The following SH2B1 variants were observed in gnomAD, a reference collection of about 807,000 sequenced individuals.
The protein encoded by SH2B1 is SH2B adaptor protein 1, also known as SH2B adapter protein 1.
SH2B1 carries 15 observed loss-of-function variants against 62.6 expected under a neutral mutation model. The observed-to-expected ratio is 0.24, with a 90% CI of 0.16 to 0.37. SH2B1 has a LOEUF of 0.37. SH2B1 is among the 10% of genes least tolerant of loss of function. The pLI is 1.00. For synonymous variants in SH2B1, 443 were observed against 438.0 expected, an observed-to-expected ratio of 1.01 and a Z score of -0.14; for missense variants, 925 against 1,015.6, an observed-to-expected ratio of 0.91 and a Z score of 1.21.
chr16:28,846,961 C>T (rs1360164762), intron 1 of SH2B1: 2 of 152,696 alleles, frequency 1.3e-5, no homozygotes, highest in Non-Finnish European at 2.9e-5. Context: ...GACATCTAGC[C>T]CTGAGAGGAG....
rs534972889 is a variant in SH2B1, at chr16:28,866,461, T to C, written c.367T>C (p.Ser123Pro). The change falls in exon 1 of 8, where the codon TCT becomes CCT. Residue 123 changes from serine to proline, a missense_variant. By Grantham distance (74) the Ser-to-Pro change is moderately conservative. Transcript: ENST00000684370. This position sits in a 1 kb window ranked among gnomAD's most constrained non-coding sequence, Gnocchi z 6.3. ...VGGPLAVLGP[S>P]RSSEDLAGPL... ...TGGGCCCCTGGCTGTGCTGGGCCCT[T>C]CTCGATCATCTGAGGACCTGGCCGG... The C allele has an allele frequency of 1.2e-6, 2 of 1,613,924 alleles. No individual in the cohort carries two copies. Among genetic ancestry groups the C allele is most frequent in the Non-Finnish European group, 1.7e-6 (2 of 1,179,982 alleles).
At chr16:28,849,249 C>G (rs966497317) in intron 1 of SH2B1, among the ~76,000 whole-genome samples, 1 of 152,170 alleles carries the variant, frequency 6.6e-6, no homozygotes, top group Non-Finnish European at 1.5e-5. Context: ...GCATACACCA[C>G]CACACCTGGC....
rs975994023 is a variant in SH2B1, at chr16:28,865,206, C to G, written c.-889C>G. The G allele has an allele frequency of 3.2e-5, 32 of 985,502 alleles. No homozygotes were observed. The African/African-American group carries it at 5.1e-4, about 16-fold the overall frequency. The allele number at this position is 985,502 out of a possible 1,614,324, so 61.0% of individuals were successfully genotyped here. ...AGCAAAGACTTGACCTGAGCCAACCCAGTTTCTCCTCTGGGGCCCCTGCGG... is the reference window on the plus strand; with the variant it reads ...AGCAAAGACTTGACCTGAGCCAACCGAGTTTCTCCTCTGGGGCCCCTGCGG... On this transcript the variant is annotated 5_prime_UTR_variant, in exon 1 of 8. Coordinates refer to ENST00000684370, the MANE Select transcript of SH2B1 (RefSeq NM_001387430.1).
Position 28,873,306 on chromosome 16 carries a change from C to T in SH2B1, c.1898-141C>T. The T allele has an allele frequency of 6.3e-7, 1 of 1,595,912 alleles. No individual in the cohort carries two copies. The highest frequency in any genetic ancestry group is 8.5e-7 in the Non-Finnish European group (1 of 1,169,822). ...CCTCCTCTCACCACCGCCCATGATC[C>T]ATCTTCCATGGATGGGGGGTTGCTC... On this transcript the variant is annotated intron_variant, in intron 7 of 7. Transcript: ENST00000684370. The surrounding 1 kb of genome is among the most constrained non-coding windows in gnomAD (Gnocchi z 4.2).
chr16:28,873,549 C>T lies in SH2B1; in HGVS notation c.2000C>T (p.Ala667Val), dbSNP rs774819489. The stretch of plus-strand genomic sequence containing the variant: ...GAGGCGTCGAGGGCGCCAGAAGTGG[C>T]GGCAGCAGCAGCCGCAGCAGCCAAA... ...AEEASRAPEVAAAAAAAAKER... is the reference protein window; with the variant it reads ...AEEASRAPEVVAAAAAAAKER... Residue 667 changes from alanine to valine, a missense_variant, in exon 8 of 8, where the codon GCG becomes GTG. By Grantham distance (64) the Ala-to-Val change is moderately conservative. This residue lies in a region of SH2B1 where 185 missense variants were observed against 189.5 expected (regional missense o/e 0.98). Transcript: ENST00000684370. The surrounding 1 kb of genome is among the most constrained non-coding windows in gnomAD (Gnocchi z 4.2). 160 of 1,602,358 alleles carry T rather than the reference C, an allele frequency of 1.0e-4. 1 individual carries two copies. Among genetic ancestry groups the T allele is most frequent in the Middle Eastern group, 6.6e-4 (4 of 6,038 alleles).
In SH2B1 at chr16:28,872,101, C is replaced by T. The variant is rs886097577; in HGVS notation, c.1514-89C>T. 7.5e-5 allele frequency: 105 copies of T among 1,399,506 alleles called. 1 individual carries two copies. Among genetic ancestry groups the T allele is most frequent in the Non-Finnish European group, 9.0e-5 (90 of 997,498 alleles). 86.7% of individuals were successfully genotyped at this position (1,399,506 alleles called of 1,614,324 possible). A position where few individuals can be genotyped will look rare whatever the true frequency, so the allele number is the denominator to read the frequency against. On this transcript the variant is annotated intron_variant, in intron 5 of 7. Transcript: ENST00000684370. The surrounding 1 kb of genome is among the most constrained non-coding windows in gnomAD (Gnocchi z 5.3). ...GTTGGGGACGCATGTGGGGAGCAGG[C>T]GCCTTGAGGGGAAGGCAAGGCTTTT...
At chr16:28,850,598 G>A (rs1050785344) in intron 1 of SH2B1, among the ~76,000 whole-genome samples, 3 of 151,972 alleles carry the variant, frequency 2.0e-5, no homozygotes, top group South Asian at 4.2e-4. Context: ...GGTGGCTCAC[G>A]CCTGTAATCC....
chr16:28,870,073 G>C (rs1469136093), intron 4 of SH2B1, among the ~76,000 whole-genome samples: 1 of 152,212 alleles, frequency 6.6e-6, no homozygotes, highest in Non-Finnish European at 1.5e-5. Flanking sequence ...CAGGGGCTGC[G>C]CCACCCTGTT....
At position 28,869,245 on chromosome 16, in the gene SH2B1, C is replaced by T. The variant is rs771189902; in HGVS notation, c.1171C>T (p.Pro391Ser). 3 of 1,614,060 alleles carry T rather than the reference C, an allele frequency of 1.9e-6. No homozygotes were observed. The highest frequency in any genetic ancestry group is 4.5e-5 in the East Asian group (2 of 44,890). ...TACCAGTCCCCGCCCCATGACCCTCCCTCTGGCCCCTGGGACCTCATTCCT... is the reference window on the plus strand; with the variant it reads ...TACCAGTCCCCGCCCCATGACCCTCTCTCTGGCCCCTGGGACCTCATTCCT... ...PATSPRPMTL[P>S]LAPGTSFLTR... The change falls in exon 4 of 8, where the codon CCT becomes TCT. Residue 391 changes from proline to serine, a missense_variant. Pro to Ser is a moderately conservative substitution (Grantham distance 74, BLOSUM62 -1). Transcript: ENST00000684370.
chr16:28,853,050 A>T (rs1168140718), intron 1 of SH2B1, among the ~76,000 whole-genome samples: 1 of 107,952 alleles, frequency 9.3e-6, no homozygotes, highest in Middle Eastern at 5.2e-3. Context: ...ATATATTTAT[A>T]TATGTACATA....
rs1567458230 is a variant in SH2B1, at chr16:28,852,319, TATATATATTTAC to T, written c.-301+5516_-301+5527del. ...ATATATTTACATATATATATTTACA[TATATATATTTAC>T]ATATATATTTACATATATATTTATA... On this transcript the variant is annotated intron_variant, in intron 1 of 10. Transcript: ENST00000322610. Among the ~76,000 whole-genome samples, 192 of 69,972 alleles carry T rather than the reference TATATATATTTAC, an allele frequency of 2.7e-3. 23 individuals are homozygous for T. Among genetic ancestry groups the T allele is most frequent in the Admixed American group, 4.9e-3 (21 of 4,318 alleles). 45.9% of individuals were successfully genotyped at this position (69,972 alleles called of 152,430 possible). A position where few individuals can be genotyped will look rare whatever the true frequency, so the allele number is the denominator to read the frequency against.
Position 28,865,579 on chromosome 16 carries a change from G to T in SH2B1, c.-516G>T. 1 of 985,770 alleles carries T rather than the reference G, an allele frequency of 1.0e-6. No homozygotes were observed. The highest frequency in any genetic ancestry group is 1.2e-6 in the Non-Finnish European group (1 of 830,124). 61.1% of individuals were successfully genotyped at this position (985,770 alleles called of 1,614,324 possible). ...GAGTTCTGAAACTTTTCTGAGCTTCGGTTTCCTCATCTGTTCGAGAGGTCT... is the reference window on the plus strand; with the variant it reads ...GAGTTCTGAAACTTTTCTGAGCTTCTGTTTCCTCATCTGTTCGAGAGGTCT... On this transcript the variant is annotated 5_prime_UTR_variant, in exon 1 of 8. Coordinates refer to ENST00000684370, the MANE Select transcript of SH2B1 (RefSeq NM_001387430.1).
chr16:28,866,467 T>C lies in SH2B1; in HGVS notation c.373T>C (p.Ser125Pro). 6.2e-7 allele frequency: 1 copy of C among 1,613,856 alleles called. No individual in the cohort carries two copies. The highest frequency in any genetic ancestry group is 8.5e-7 in the Non-Finnish European group (1 of 1,179,966). Residue 125 changes from serine (S) to proline (P), a missense_variant, in exon 1 of 8, where the codon TCA (serine) becomes CCA (proline). Ser to Pro is a moderately conservative substitution (Grantham distance 74). Transcript: ENST00000684370. This position sits in a 1 kb window ranked among gnomAD's most constrained non-coding sequence, Gnocchi z 6.3. ...CCTGGCTGTGCTGGGCCCTTCTCGA[T>C]CATCTGAGGACCTGGCCGGCCCCCT... ...GPLAVLGPSRSSEDLAGPLPS... is the reference protein window; with the variant it reads ...GPLAVLGPSRPSEDLAGPLPS...
In SH2B1 at chr16:28,852,558, T is replaced by TATGTATATATATACACATATATATG. The variant is rs1567458808; in HGVS notation, c.-301+5731_-301+5732insATGTATATATATACACATATATATG. Among the ~76,000 whole-genome samples the TATGTATATATATACACATATATATG allele has an allele frequency of 2.9e-4, 5 of 17,262 alleles. 1 individual carries two copies. Among genetic ancestry groups the TATGTATATATATACACATATATATG allele is most frequent in the Non-Finnish European group, 3.1e-4 (4 of 13,058 alleles). The allele number at this position is 17,262 out of a possible 152,430, so 11.3% of individuals were successfully genotyped here. A position where few individuals can be genotyped will look rare whatever the true frequency, so the allele number is the denominator to read the frequency against. ...CATATATTTATATATATACACATATTTATATATATACACATATATATTTAT... is the reference window on the plus strand; with the variant it reads ...CATATATTTATATATATACACATATTATGTATATATATACACATATATATGTATATATATACACATATATATTTAT... On this transcript the variant is annotated intron_variant, in intron 1 of 10. Coordinates refer to the SH2B1 transcript ENST00000322610.
At chr16:28,863,604 C>T, upstream of SH2B1, 34 of 1,394,582 alleles carry the variant, frequency 2.4e-5, no homozygotes, top group Non-Finnish European at 3.3e-5. Flanking sequence ...TCCCGAATTT[C>T]CTCCGGGAGG....
rs773476319 is a variant in SH2B1 at position 28,866,773 on chromosome 16, C to A, written c.679C>A (p.Arg227Ser). 1 of 1,580,086 alleles carries A rather than the reference C, an allele frequency of 6.3e-7. No individual in the cohort carries two copies. Among genetic ancestry groups the A allele is most frequent in the Non-Finnish European group, 8.6e-7 (1 of 1,164,022 alleles). ...GTSPGERWTH[R>S]FERLRLSRGG... ...GTCCCCTGGGGAAAGATGGACTCACCGTTTTGAGAGGCTGAGACTCAGTCG... is the reference window on the plus strand; with the variant it reads ...GTCCCCTGGGGAAAGATGGACTCACAGTTTTGAGAGGCTGAGACTCAGTCG... Residue 227 changes from arginine (R) to serine (S), a missense_variant, in exon 1 of 8, where the codon CGT becomes AGT. This residue lies in a region of SH2B1 where 683 missense variants were observed against 704.0 expected (regional missense o/e 0.97). Coordinates refer to ENST00000684370, the MANE Select transcript of SH2B1 (RefSeq NM_001387430.1). This position sits in a 1 kb window ranked among gnomAD's most constrained non-coding sequence, Gnocchi z 6.3.
chr16:28,855,422 T>C (rs1962297733), intron 1 of SH2B1, among the ~76,000 whole-genome samples: 1 of 151,854 alleles, frequency 6.6e-6, no homozygotes, highest in African/African-American at 2.4e-5. Flanking sequence ...GGTTTCACCA[T>C]GTTGGCCAGG....
chr16:28,866,998 G>T lies in SH2B1; in HGVS notation c.904G>T (p.Gly302Ter). The T allele has an allele frequency of 6.2e-7, 1 of 1,601,922 alleles. No homozygotes were observed. ...LLLRSEGEGG[G>*]GSRLEFFVPP... ...GCTTCGAAGTGAAGGAGAAGGAGGAGGAGGAAGTCGCCTGGAGTTCTTTGT... is the reference window on the plus strand; with the variant it reads ...GCTTCGAAGTGAAGGAGAAGGAGGATGAGGAAGTCGCCTGGAGTTCTTTGT... The change falls in exon 1 of 8, where the codon GGA (glycine) becomes TGA (stop). Residue 302 changes from glycine to a stop codon, truncating the protein, a stop_gained. Transcript: ENST00000684370. LOFTEE classifies it high-confidence loss of function. The surrounding 1 kb of genome is among the most constrained non-coding windows in gnomAD (Gnocchi z 6.3).
chr16:28,859,747 C>T (rs185404395), upstream of SH2B1, among the ~76,000 whole-genome samples: 5 of 151,904 alleles, frequency 3.3e-5, no homozygotes, highest in African/African-American at 1.2e-4. Context: ...AAAGAAAGTC[C>T]AGGGAAAAGC....
Sources: allele counts gnomAD v4.1 joint callset (sites outside exome capture counted in the v4.1 genomes callset), GRCh38; gene constraint gnomAD v4.1.1; regional missense constraint gnomAD v4.1.1; non-coding constraint Gnocchi (gnomAD v3.1); transcripts MANE v1.5; gene names NCBI Gene and HGNC (gene_info 2026-07-23, HGNC 2026-07-21).